CBL: variants seen among roughly 807,000 people sequenced by gnomAD.
The protein encoded by CBL is Cbl proto-oncogene.
In CBL, 45 loss-of-function variants were observed where a neutral mutation model predicts 96.9. The observed-to-expected ratio is 0.46, with a 90% CI of 0.37 to 0.60. The LOEUF (loss-of-function observed/expected upper bound fraction) is 0.60. Among genes scored for constraint, CBL ranks in the 20% least tolerant of loss-of-function variants. The pLI is 0.00. For synonymous variants in CBL, 420 were observed against 426.8 expected (o/e 0.98, Z 0.20); for missense variants, 1,024 against 1,143.5 (o/e 0.90, Z 1.51).
intron 9 of CBL, among the ~76,000 whole-genome samples, chr11:119,280,622 C>T (rs577003750): frequency 2.4e-4 from 37 of 151,936 alleles, no homozygotes; most frequent in Non-Finnish European, 4.7e-4. Flanking sequence ...AAAAGAATTG[C>T]TAAAAAAAAC....
intron 2 of CBL, among the ~76,000 whole-genome samples, chr11:119,254,850 C>T (rs1949698445): frequency 6.6e-6 from 1 of 152,172 alleles, no homozygotes; most frequent in Non-Finnish European, 1.5e-5. Flanking sequence ...GATCCTCCCA[C>T]CTCAGCCTCC....
intron 9 of CBL, among the ~76,000 whole-genome samples, chr11:119,283,907 G>T (rs927618477): frequency 6.6e-6 from 1 of 151,944 alleles, no homozygotes; most frequent in Admixed American, 6.5e-5. Flanking sequence ...AAAGTGCTGC[G>T]ATTACAGGCG....
chr11:119,230,217 T>C (rs1344037656), intron 1 of CBL, among the ~76,000 whole-genome samples: 4 of 151,824 alleles, frequency 2.6e-5, no homozygotes, highest in Non-Finnish European at 4.4e-5. Context: ...AGTGGCGCGA[T>C]CTCGGCTCAC....
chr11:119,256,293 TC>T (rs1175538260), intron 2 of CBL, among the ~76,000 whole-genome samples: 1 of 151,130 alleles, frequency 6.6e-6, no homozygotes. Context: ...CTGGGAGTAA[TC>T]CCAGCCTCCC....
chr11:119,285,913 A>G (rs1287448074), intron 11 of CBL, among the ~76,000 whole-genome samples: 3 of 151,944 alleles, frequency 2.0e-5, no homozygotes, highest in Admixed American at 1.3e-4. Context: ...AAGAAGAAAG[A>G]AAAAGAAATA....
intron 12 of CBL, among the ~76,000 whole-genome samples, chr11:119,290,426 G>A (rs544124896): frequency 3.6e-4 from 55 of 150,700 alleles, no homozygotes; most frequent in Non-Finnish European, 6.8e-4. Context: ...AGGCCAAGGC[G>A]GGTGGATCAC....
intron 2 of CBL, among the ~76,000 whole-genome samples, chr11:119,262,068 G>A (rs138842750): frequency 4.0e-4 from 61 of 152,180 alleles, no homozygotes; most frequent in Non-Finnish European, 7.6e-4. Flanking sequence ...AAGTGATCGA[G>A]TTGAACATTT....
At chr11:119,233,260 TA>T (rs1408490169) in intron 2 of CBL, among the ~76,000 whole-genome samples, 5 of 152,178 alleles carry the variant, frequency 3.3e-5, no homozygotes, top group Admixed American at 1.3e-4. Context: ...ATTTTATTAT[TA>T]TTTTTTTGAG....
At chr11:119,253,202 C>T (rs1371106066) in intron 2 of CBL, among the ~76,000 whole-genome samples, 2 of 151,938 alleles carry the variant, frequency 1.3e-5, no homozygotes, top group Non-Finnish European at 2.9e-5. Flanking sequence ...CATTGTACCC[C>T]ATGAATATAG....
At chr11:119,261,681 T>C (rs1949755387) in intron 2 of CBL, among the ~76,000 whole-genome samples, 1 of 152,202 alleles carries the variant, frequency 6.6e-6, no homozygotes, top group Non-Finnish European at 1.5e-5. Flanking sequence ...CTTTCAATTG[T>C]GGGCAAATGC....
intron 2 of CBL, 143 bp from the exon 3 acceptor site, chr11:119,271,592 C>A: frequency 1.3e-6 from 1 of 748,450 alleles, no homozygotes; most frequent in Non-Finnish European, 2.2e-6. Flanking sequence ...TTGAATAATA[C>A]TGGCCAGAAA....
rs1486426129 is a variant in CBL, at chr11:119,301,513, C to T, written c.*1732C>T. The stretch of plus-strand genomic sequence containing the variant: ...TCTTTAGATCTACACAGAAATGACC[C>T]TCCTTGGATCAGTTTTCTTTCCAGT... On this transcript the variant is annotated 3_prime_UTR_variant, in exon 16 of 16. Coordinates refer to ENST00000264033, the MANE Select transcript of CBL (RefSeq NM_005188.4). The T allele has an allele frequency of 4.3e-6, 1 of 233,154 alleles. No homozygotes were observed. Among genetic ancestry groups the T allele is most frequent in the Non-Finnish European group, 8.5e-6 (1 of 118,036 alleles). 14.4% of individuals were successfully genotyped at this position (233,154 alleles called of 1,614,324 possible).
chr11:119,248,980 A>G (rs956724023), intron 2 of CBL, among the ~76,000 whole-genome samples: 33 of 152,200 alleles, frequency 2.2e-4, no homozygotes, highest in Non-Finnish European at 1.3e-4. Context: ...TAAAACCCTC[A>G]TGCATTGGTG....
At chr11:119,272,866 T>C (rs1949859301) in intron 3 of CBL, among the ~76,000 whole-genome samples, 1 of 152,204 alleles carries the variant, frequency 6.6e-6, no homozygotes. Context: ...TCCCAGTCTG[T>C]GGCTTACCTT....
rs906407714 is a variant in CBL, at chr11:119,300,283, G to T, written c.*502G>T. 1.8e-5 allele frequency: 8 copies of T among 443,182 alleles called. No individual in the cohort carries two copies. The highest frequency in any genetic ancestry group is 5.7e-4 in the Middle Eastern group (1 of 1,744). 27.5% of individuals were successfully genotyped at this position (443,182 alleles called of 1,614,324 possible). Reference sequence around the variant, plus strand: ...TTTTTAAAGACTTCCATCTACTGTGGTATTATACCCAAGCCTAGTGTGTAT... The same window carrying T: ...TTTTTAAAGACTTCCATCTACTGTGTTATTATACCCAAGCCTAGTGTGTAT... On this transcript the variant is annotated 3_prime_UTR_variant, in exon 16 of 16. Transcript: ENST00000264033.
chr11:119,260,505 G>A (rs1949746565), intron 2 of CBL, among the ~76,000 whole-genome samples: 1 of 151,934 alleles, frequency 6.6e-6, no homozygotes, highest in South Asian at 2.1e-4. Context: ...TGTAAAATGG[G>A]GATAATATTG....
chr11:119,299,378 C>T (rs986759654), intron 15 of CBL, 117 bp from the exon 16 acceptor site: 4 of 916,902 alleles, frequency 4.4e-6, no homozygotes, highest in Non-Finnish European at 6.9e-6. Context: ...GACTGAAGAG[C>T]ACATGTACCC....
At chr11:119,245,468 C>T (rs1466655980) in intron 2 of CBL, among the ~76,000 whole-genome samples, 1 of 152,080 alleles carries the variant, frequency 6.6e-6, no homozygotes, top group Admixed American at 6.6e-5. Flanking sequence ...GTGGCTCATG[C>T]CTGTAATCCC....
At chr11:119,224,553 TAC>T (rs1368509604) in intron 1 of CBL, among the ~76,000 whole-genome samples, 1 of 152,210 alleles carries the variant, frequency 6.6e-6, no homozygotes, top group Non-Finnish European at 1.5e-5. Flanking sequence ...CATGTGTTCT[TAC>T]AATAAAGTAA....
Sources: gnomAD v4.1 joint callset for allele counts (sites outside exome capture counted in the v4.1 genomes callset) on GRCh38, gnomAD v4.1.1 for gene constraint, MANE v1.5 for transcripts, NCBI Gene and HGNC (gene_info 2026-07-23, HGNC 2026-07-21) for gene names.